The following FABP4 variants were observed in gnomAD, a reference collection of about 807,000 sequenced individuals.
FABP4 encodes the protein fatty acid binding protein 4.
Under a neutral mutation model 14.6 loss-of-function variants are expected in FABP4, and 17 were observed. The observed-to-expected ratio is 1.16, with a 90% confidence interval of 0.80 to 1.74. The LOEUF (loss-of-function observed/expected upper bound fraction) is 1.74, where lower values mean the gene tolerates loss of function less well. Ranked by LOEUF, FABP4 falls within the 40% of genes most tolerant of loss-of-function variation. FABP4 has a pLI of 0.00. For missense variants in FABP4, 149 were observed against 160.3 expected, an observed-to-expected ratio of 0.93 and a Z score of 0.38; for synonymous variants, 54 against 54.6, an observed-to-expected ratio of 0.99 and a Z score of 0.05.
At chr8:81,479,333 A>C (rs1808027529) in intron 3 of FABP4, 81 bp downstream of exon 3, 2 of 1,121,722 alleles carry the variant, frequency 1.8e-6, no homozygotes, top group Non-Finnish European at 2.6e-6. Context: ...TCAAAAGGAA[A>C]ATCTGTTTCC....
At chr8:81,480,706 C>T in intron 1 of FABP4, 108 bp from the exon 2 acceptor site, 1 of 953,972 alleles carries the variant, frequency 1.0e-6, no homozygotes, top group Non-Finnish European at 1.4e-6. Context: ...AGGAAAAAGG[C>T]ACAGAGAGTT....
intron 3 of FABP4, 121 bp from the exon 4 acceptor site, chr8:81,479,036 A>G (rs966427699): frequency 9.6e-6 from 8 of 831,104 alleles, no homozygotes; most frequent in South Asian, 6.4e-5. Context: ...CTGGACTCCT[A>G]TATATGTAAC....
At chr8:81,480,720 T>A in intron 1 of FABP4, 122 bp from the exon 2 acceptor site, 1 of 745,862 alleles carries the variant, frequency 1.3e-6, no homozygotes, top group Non-Finnish European at 2.0e-6. Flanking sequence ...GAGAGTTTCT[T>A]AAAGGCCTAA....
Position 81,478,808 on chromosome 8 carries a change from C to T in FABP4, c.*57G>A, listed in dbSNP as rs1808012184. 7.0e-7 allele frequency: 1 copy of T among 1,422,706 alleles called. No individual in the cohort carries two copies. Among genetic ancestry groups the T allele is most frequent in the South Asian group, 1.2e-5 (1 of 80,272 alleles). The allele number at this position is 1,422,706 out of a possible 1,614,324, so 88.1% of individuals were successfully genotyped here. On this transcript the variant is annotated 3_prime_UTR_variant, in exon 4 of 4. Transcript: ENST00000256104. ...AACAATATCTTTTTGAACAATATAT[C>T]CCACAGAATGTTGTAGAGTTCAATG...
intron 1 of FABP4, among the ~76,000 whole-genome samples, chr8:81,480,927 A>T (rs989529186): frequency 1.3e-5 from 2 of 152,166 alleles, no homozygotes; most frequent in African/African-American, 4.8e-5. Context: ...TATAAAGGTT[A>T]AGTGGTTGGG....
intron 3 of FABP4, 42 bp downstream of exon 3, chr8:81,479,372 C>T (rs1345768237): frequency 2.1e-6 from 3 of 1,450,512 alleles, no homozygotes; most frequent in Non-Finnish European, 2.9e-6. Context: ...ATGAGATAAC[C>T]TAGCAGTAAG....
chr8:81,482,320 T>A (rs770804437), intron 1 of FABP4, among the ~76,000 whole-genome samples: 15 of 152,198 alleles, frequency 9.9e-5, no homozygotes, highest in Non-Finnish European at 1.2e-4. Flanking sequence ...AGAAAGGTTT[T>A]CAAAGTAGAA....
At chr8:81,482,645 C>CAT (rs1253432522) in intron 1 of FABP4, among the ~76,000 whole-genome samples, 1 of 152,106 alleles carries the variant, frequency 6.6e-6, no homozygotes, top group Non-Finnish European at 1.5e-5. Flanking sequence ...AATTGGCTAA[C>CAT]ATACGGTTAC....
intron 1 of FABP4, among the ~76,000 whole-genome samples, chr8:81,482,177 T>A (rs1369618948): frequency 6.6e-6 from 1 of 152,048 alleles, no homozygotes; most frequent in East Asian, 1.9e-4. Context: ...ATATATACTG[T>A]ATAATTTACA....
At chr8:81,480,176 C>T (rs932151751) in intron 2 of FABP4, among the ~76,000 whole-genome samples, 16 of 152,110 alleles carry the variant, frequency 1.1e-4, no homozygotes, top group Non-Finnish European at 1.9e-4. Context: ...GCCATGTCAC[C>T]GCAGCCTGTT....
chr8:81,482,234 A>C (rs944403493), intron 1 of FABP4, among the ~76,000 whole-genome samples: 13 of 152,170 alleles, frequency 8.5e-5, no homozygotes, highest in African/African-American at 3.1e-4. Flanking sequence ...CTAAACCCTA[A>C]GATTGCATAA....
intron 1 of FABP4, among the ~76,000 whole-genome samples, chr8:81,481,555 C>T (rs1052663185): frequency 6.6e-6 from 1 of 152,118 alleles, no homozygotes; most frequent in African/African-American, 2.4e-5. Context: ...ATTTTTTAAA[C>T]ATGTGCATGT....
chr8:81,479,330 G>A (rs543885845), intron 3 of FABP4, 84 bp downstream of exon 3: 6 of 1,096,194 alleles, frequency 5.5e-6, no homozygotes, highest in East Asian at 2.4e-5. Context: ...TAATCAAAAG[G>A]AAAATCTGTT....
chr8:81,480,772 A>T (rs201051120), intron 1 of FABP4, among the ~76,000 whole-genome samples, 174 bp from the exon 2 acceptor site: 6 of 149,652 alleles, frequency 4.0e-5, no homozygotes, highest in East Asian at 4.2e-4. Context: ...AATACTTAAA[A>T]AAAAAAAAAA....
chr8:81,479,857 T>G (rs1206673268), intron 2 of FABP4: 1 of 179,760 alleles, frequency 5.6e-6, no homozygotes, highest in African/African-American at 2.4e-5. Context: ...TTTAATTCAC[T>G]TGAAATACTC....
At chr8:81,480,771 A>AT (rs1426030600) in intron 1 of FABP4, among the ~76,000 whole-genome samples, 173 bp from the exon 2 acceptor site, 5 of 151,020 alleles carry the variant, frequency 3.3e-5, no homozygotes, top group East Asian at 1.9e-4. Flanking sequence ...CAATACTTAA[A>AT]AAAAAAAAAA....
Position 81,482,824 on chromosome 8 carries a change from G to A in FABP4, c.73+271C>T, listed in dbSNP as rs533000862. ...AGGATACCCAAGTTTTTCAAATAAAGTCAAATCTTATCATTTCTAAAGACA... is the reference window on the plus strand; with the variant it reads ...AGGATACCCAAGTTTTTCAAATAAAATCAAATCTTATCATTTCTAAAGACA... On this transcript the variant is annotated intron_variant, in intron 1 of 3. Transcript: ENST00000256104. Among the ~76,000 whole-genome samples, 674 of 152,210 alleles carry A rather than the reference G, an allele frequency of 4.4e-3. 2 individuals are homozygous for A. The highest frequency in any genetic ancestry group is 7.0e-3 in the Non-Finnish European group (476 of 67,964).
Position 81,479,496 on chromosome 8 carries a change from C to A in FABP4, c.266G>T (p.Gly89Val). Residue 89 changes from glycine to valine, a missense_variant, in exon 3 of 4, where the codon GGG (glycine) becomes GTG (valine). By Grantham distance (109) the Gly-to-Val change is moderately radical (BLOSUM62 -3). Coordinates refer to ENST00000256104, the MANE Select transcript of FABP4 (RefSeq NM_001442.3). ...RKVKSTITLD[G>V]GVLVHVQKWD... ...TTTCTGCACATGTACCAGGACACCC[C>A]CATCTAAGGTTATGGTGCTCTGTAG... 3 of 1,613,074 alleles carry A rather than the reference C, an allele frequency of 1.9e-6. No homozygotes were observed. Among genetic ancestry groups the A allele is most frequent in the Non-Finnish European group, 2.5e-6 (3 of 1,179,320 alleles).
At chr8:81,479,901 T>A (rs1482710553) in intron 2 of FABP4, 1 of 160,460 alleles carries the variant, frequency 6.2e-6, no homozygotes, top group Non-Finnish European at 1.4e-5. Context: ...ATTATGTTAA[T>A]AATTTTTTTG....
Sources: allele counts gnomAD v4.1 joint callset (sites outside exome capture counted in the v4.1 genomes callset), GRCh38; gene constraint gnomAD v4.1.1; transcripts MANE v1.5; gene names NCBI Gene and HGNC (gene_info 2026-07-23, HGNC 2026-07-21).